CSGALNACT1: variants seen among roughly 807,000 people sequenced by gnomAD.
The protein encoded by CSGALNACT1 is chondroitin sulfate N-acetylgalactosaminyltransferase 1, also known as beta4GalNAcT-1.
In CSGALNACT1, 52 loss-of-function variants were observed where a neutral mutation model predicts 51.0. That is an observed-to-expected ratio of 1.02 (90% CI 0.82 to 1.29). CSGALNACT1 has a LOEUF of 1.29. Among genes scored for constraint, CSGALNACT1 ranks in the 50% most tolerant of loss-of-function variants. The pLI, the probability that CSGALNACT1 is intolerant of heterozygous loss-of-function variation, is 0.00. For synonymous variants in CSGALNACT1, 341 were observed against 254.4 expected (o/e 1.34, Z -3.24); for missense variants, 935 against 679.2 (o/e 1.38, Z -4.19).
At chr8:19,574,185 T>C (rs551757926) in intron 3 of CSGALNACT1, among the ~76,000 whole-genome samples, 7 of 152,340 alleles carry the variant, frequency 4.6e-5, no homozygotes, top group African/African-American at 1.7e-4. Context: ...ACTATTGGAA[T>C]TACAGGCACA....
At chr8:19,673,864 A>C (rs1364060891) in intron 1 of CSGALNACT1, among the ~76,000 whole-genome samples, 2 of 152,254 alleles carry the variant, frequency 1.3e-5, no homozygotes, top group Admixed American at 1.3e-4. Context: ...CTCAACCAAC[A>C]AATATTTAGT....
chr8:19,457,472 G>C (rs939888896), intron 5 of CSGALNACT1: 5 of 375,760 alleles, frequency 1.3e-5, no homozygotes, highest in Non-Finnish European at 2.0e-5. Context: ...AATTAGCCGG[G>C]CATGGTAATG....
At chr8:19,673,197 C>T (rs761716607) in intron 1 of CSGALNACT1, among the ~76,000 whole-genome samples, 24 of 152,172 alleles carry the variant, frequency 1.6e-4, no homozygotes, top group Non-Finnish European at 2.9e-4. Context: ...AAATGGACTC[C>T]GATGCAAGGA....
At chr8:19,708,454 C>T (rs186361662) in intron 1 of CSGALNACT1, among the ~76,000 whole-genome samples, 4 of 152,212 alleles carry the variant, frequency 2.6e-5, no homozygotes, top group African/African-American at 9.6e-5. Flanking sequence ...AATATATTCA[C>T]AGCGGCACAC....
intron 9 of CSGALNACT1, 116 bp downstream of exon 8, chr8:19,408,497 T>TTTTTTTG: frequency 3.7e-6 from 1 of 268,108 alleles, no homozygotes; most frequent in Non-Finnish European, 7.4e-6. Context: ...TTTTTTTTTT[T>TTTTTTTG]GAAGGCAATG....
intron 1 of CSGALNACT1, among the ~76,000 whole-genome samples, chr8:19,624,154 C>T (rs1302444919): frequency 6.6e-6 from 1 of 152,224 alleles, no homozygotes; most frequent in Admixed American, 6.5e-5. Context: ...ACCACCTCTT[C>T]AACAGTGTAG....
chr8:19,468,184 T>A (rs1161399578), intron 4 of CSGALNACT1, among the ~76,000 whole-genome samples: 1 of 151,402 alleles, frequency 6.6e-6, no homozygotes, highest in Non-Finnish European at 1.5e-5. Flanking sequence ...GATGTTTTTT[T>A]ACCAGAACTG....
At chr8:19,426,819 C>T (rs146938694) in intron 6 of CSGALNACT1, among the ~76,000 whole-genome samples, 115 of 152,244 alleles carry the variant, frequency 7.6e-4, no homozygotes, top group East Asian at 3.9e-3. Context: ...GGATTAAAAA[C>T]GATAGATCTT....
At chr8:19,723,544 G>A (rs2063238101) in intron 1 of CSGALNACT1, among the ~76,000 whole-genome samples, 1 of 152,216 alleles carries the variant, frequency 6.6e-6, no homozygotes, top group Non-Finnish European at 1.5e-5. Context: ...TTTATAAAAT[G>A]ATCCACTAAG....
intron 4 of CSGALNACT1, among the ~76,000 whole-genome samples, chr8:19,471,852 G>C (rs2068261123): frequency 6.6e-6 from 1 of 152,206 alleles, no homozygotes; most frequent in African/African-American, 2.4e-5. Context: ...AACAGCCCCA[G>C]AATGAAGCTG....
intron 1 of CSGALNACT1, among the ~76,000 whole-genome samples, chr8:19,652,194 A>C (rs2057874767): frequency 6.6e-6 from 1 of 151,990 alleles, no homozygotes; most frequent in East Asian, 1.9e-4. Context: ...CAAGCAATCC[A>C]CCTGCCTAGG....
chr8:19,728,909 G>A (rs924456230), intron 1 of CSGALNACT1, among the ~76,000 whole-genome samples: 1 of 152,026 alleles, frequency 6.6e-6, no homozygotes, highest in African/African-American at 2.4e-5. Context: ...TGTCCTTCAA[G>A]CAGGCAGTCT....
At chr8:19,540,443 A>T (rs2084836170) in intron 3 of CSGALNACT1, among the ~76,000 whole-genome samples, 1 of 152,186 alleles carries the variant, frequency 6.6e-6, no homozygotes, top group African/African-American at 2.4e-5. Flanking sequence ...AAAGTGACTA[A>T]AATTTGAGTT....
intron 1 of CSGALNACT1, among the ~76,000 whole-genome samples, chr8:19,664,913 A>G (rs1464365963): frequency 6.6e-6 from 1 of 152,214 alleles, no homozygotes; most frequent in African/African-American, 2.4e-5. Flanking sequence ...GAGAGACAAC[A>G]AATTACGTAA....
intron 5 of CSGALNACT1, among the ~76,000 whole-genome samples, chr8:19,440,824 G>T (rs1430300792): frequency 1.3e-5 from 2 of 152,088 alleles, no homozygotes; most frequent in Non-Finnish European, 2.9e-5. Flanking sequence ...AAACCCCATT[G>T]TCTCAGCCCA....
intron 4 of CSGALNACT1, among the ~76,000 whole-genome samples, chr8:19,477,884 G>A (rs574206041): frequency 3.3e-5 from 5 of 152,290 alleles, no homozygotes; most frequent in African/African-American, 7.2e-5. Context: ...GAAAGACTTC[G>A]GTTCCTCCCA....
At chr8:19,615,284 C>A (rs999118080) in intron 1 of CSGALNACT1, among the ~76,000 whole-genome samples, 1 of 152,276 alleles carries the variant, frequency 6.6e-6, no homozygotes, top group African/African-American at 2.4e-5. Flanking sequence ...GCCTGGGGGA[C>A]AAAGTGAGAC....
At chr8:19,480,950 T>G (rs912957343) in intron 4 of CSGALNACT1, among the ~76,000 whole-genome samples, 1 of 152,100 alleles carries the variant, frequency 6.6e-6, no homozygotes, top group African/African-American at 2.4e-5. Flanking sequence ...CTGTTTTGGC[T>G]CTCCTACGAG....
chr8:19,465,666 T>A (rs1170507252), intron 4 of CSGALNACT1, among the ~76,000 whole-genome samples: 1 of 152,212 alleles, frequency 6.6e-6, no homozygotes, highest in Non-Finnish European at 1.5e-5. Context: ...TCTCTCTTCT[T>A]CAGGCACTTC....
Sources: allele counts gnomAD v4.1 joint callset (sites outside exome capture counted in the v4.1 genomes callset), GRCh38; gene constraint gnomAD v4.1.1; transcripts MANE v1.5; gene names NCBI Gene and HGNC (gene_info 2026-07-23, HGNC 2026-07-21).